The following TSC2 variants were observed in gnomAD, a reference collection of about 807,000 sequenced individuals.
TSC2 encodes the protein tuberin.
In TSC2, 29 loss-of-function variants were observed where a neutral mutation model predicts 202.2. The ratio of observed to expected loss-of-function variants is 0.14; its 90% CI spans 0.11 to 0.20. The LOEUF is 0.20. Ranked by LOEUF, TSC2 falls within the 10% of genes least tolerant of loss-of-function variation. TSC2 has a pLI of 1.00. For missense variants in TSC2, 2,429 were observed against 2,420.0 expected (o/e 1.00, Z -0.08); for synonymous variants, 1,349 against 1,044.0 (o/e 1.29, Z -5.63).
In TSC2 at chr16:2,062,968, G is replaced by A. The variant is rs397515145; in HGVS notation, c.1362-4G>A. On this transcript the variant is annotated splice_region_variant and splice_polypyrimidine_tract_variant and intron_variant, in intron 13 of 41. Transcript: ENST00000219476. Reference sequence around the variant, plus strand: ...ACCCGCCCCAGCAGGCTGCCGTCCCGCAGGAGCGAGTCCCGAGGCGCCGTG... The same window carrying A: ...ACCCGCCCCAGCAGGCTGCCGTCCCACAGGAGCGAGTCCCGAGGCGCCGTG... 3.0e-5 allele frequency: 46 copies of A among 1,549,886 alleles called. No individual in the cohort carries two copies. The highest frequency in any genetic ancestry group is 1.8e-4 in the South Asian group (15 of 84,036).
At position 2,087,978 on chromosome 16, in the gene TSC2, A is replaced by G. The variant is rs775925922; in HGVS notation, c.5068+37A>G. 7 of 1,612,610 alleles carry G rather than the reference A, an allele frequency of 4.3e-6. No individual in the cohort carries two copies. The Admixed American group carries it at 1.2e-4, about 27-fold the overall frequency. ...TGGGGCCCTGCAGTGCAGGAAAGGTAGGGCCGGGTGGGGCCCTGCAGTGTG... is the reference window on the plus strand; with the variant it reads ...TGGGGCCCTGCAGTGCAGGAAAGGTGGGGCCGGGTGGGGCCCTGCAGTGTG... On this transcript the variant is annotated intron_variant, in intron 39 of 41. Transcript: ENST00000219476.
At chr16:2,058,248 C>A (rs1208974128) in intron 9 of TSC2, among the ~76,000 whole-genome samples, 1 of 152,128 alleles carries the variant, frequency 6.6e-6, no homozygotes, top group African/African-American at 2.4e-5. Flanking sequence ...ATCTTGCCTT[C>A]TCCCCTCCAC....
chr16:2,064,510 T>C (rs2087050338), intron 15 of TSC2, 83 bp downstream of exon 15: 3 of 1,598,470 alleles, frequency 1.9e-6, no homozygotes, highest in Non-Finnish European at 2.6e-6. Flanking sequence ...TCTGTCCTCC[T>C]CTTCGAGTGA....
chr16:2,058,630 C>A (rs556894195), intron 9 of TSC2, 117 bp from the exon 10 acceptor site: 13 of 1,470,290 alleles, frequency 8.8e-6, no homozygotes, highest in Middle Eastern at 2.3e-4. Flanking sequence ...GCTCCTGCCC[C>A]CCCCAAGCAC....
intron 3 of TSC2, among the ~76,000 whole-genome samples, chr16:2,051,903 A>G (rs941497969): frequency 3.3e-5 from 5 of 152,164 alleles, no homozygotes; most frequent in African/African-American, 1.2e-4. Context: ...TGTTTCTACT[A>G]AAGATACAAA....
In TSC2 at chr16:2,048,047, C is replaced by T. The variant is rs1022290518; in HGVS notation, c.-48C>T. On this transcript the variant is annotated 5_prime_UTR_variant, in exon 1 of 42. Coordinates refer to ENST00000219476, the MANE Select transcript of TSC2 (RefSeq NM_000548.5). ...TTCTCCGCGTCGGGGCGGCCCGGAG[C>T]GCGGTGGCGCGGCGCGGGGTAAGTG... The T allele has an allele frequency of 6.3e-6, 9 of 1,423,978 alleles. No individual in the cohort carries two copies. The highest frequency in any genetic ancestry group is 8.2e-6 in the Non-Finnish European group (9 of 1,096,536). The allele number at this position is 1,423,978 out of a possible 1,614,324, so 88.2% of individuals were successfully genotyped here.
chr16:2,049,413 T>C (rs2084806248), intron 2 of TSC2, among the ~76,000 whole-genome samples: 1 of 152,170 alleles, frequency 6.6e-6, no homozygotes, highest in African/African-American at 2.4e-5. Context: ...TGTGTGTTTG[T>C]GTCTTTGTCA....
At position 2,088,656 on chromosome 16, in the gene TSC2, T is replaced by C. The variant is rs559817267; in HGVS notation, c.*46T>C. The C allele has an allele frequency of 8.3e-6, 13 of 1,569,856 alleles. No individual in the cohort carries two copies. The African/African-American group carries it at 1.6e-4, about 20-fold the overall frequency. ...CACTGGCCTTGGACGGTATTGCCTGTCAGTGAAATAAATAAAGTCCTGACC... is the reference window on the plus strand; with the variant it reads ...CACTGGCCTTGGACGGTATTGCCTGCCAGTGAAATAAATAAAGTCCTGACC... On this transcript the variant is annotated 3_prime_UTR_variant, in exon 42 of 42. Coordinates refer to ENST00000219476, the MANE Select transcript of TSC2 (RefSeq NM_000548.5).
chr16:2,084,816 T>C, intron 34 of TSC2, 101 bp downstream of exon 34: 1 of 1,598,458 alleles, frequency 6.3e-7, no homozygotes, highest in Non-Finnish European at 8.5e-7. Flanking sequence ...GGTCCTCGCC[T>C]GTGCCCTAGG....
At position 2,084,859 on chromosome 16, in the gene TSC2, G is replaced by A. The variant is rs2090567816; in HGVS notation, c.4494-92G>A. On this transcript the variant is annotated intron_variant, in intron 34 of 41. Transcript: ENST00000219476. ...GGAACCCCTGGGAGGGCGGTGGAGT[G>A]GGAGATGGCCAGGCTCTGTGTTCCT... The A allele has an allele frequency of 2.7e-5, 43 of 1,602,442 alleles. 1 individual carries two copies. In the South Asian group the frequency reaches 4.6e-4, roughly 17 times the overall value.
intron 36 of TSC2, among the ~76,000 whole-genome samples, chr16:2,085,701 C>T (rs546440875): frequency 4.6e-5 from 7 of 152,310 alleles, no homozygotes; most frequent in African/African-American, 1.7e-4. Flanking sequence ...GCACCCTGCC[C>T]AGCTTGAGCA....
At chr16:2,054,263 A>C (rs886482889) in intron 4 of TSC2, 33 bp from the exon 5 acceptor site, 22 of 1,613,882 alleles carry the variant, frequency 1.4e-5, no homozygotes, top group Non-Finnish European at 1.9e-5. Context: ...CGACGCTGGC[A>C]GGCTCTGCTG....
At chr16:2,063,495 G>A (rs1307921095) in intron 14 of TSC2, 1 of 286,808 alleles carries the variant, frequency 3.5e-6, no homozygotes, top group Non-Finnish European at 6.8e-6. Flanking sequence ...GAGCTCTGTG[G>A]CCCCAGGCCC....
chr16:2,055,334 C>A, intron 5 of TSC2, 68 bp from the exon 6 acceptor site: 1 of 1,216,394 alleles, frequency 8.2e-7, no homozygotes, highest in Non-Finnish European at 1.2e-6. Flanking sequence ...TGTCCTGCGG[C>A]GGGAGGGGGA....
chr16:2,059,892 C>G (rs1032410393), intron 10 of TSC2, among the ~76,000 whole-genome samples: 5 of 152,174 alleles, frequency 3.3e-5, no homozygotes, highest in African/African-American at 7.2e-5. Context: ...AACTCCTGAC[C>G]TCAGGTGATC....
Position 2,086,149 on chromosome 16 carries a change from C to T in TSC2, c.4663-44C>T, listed in dbSNP as rs770494687. The T allele has an allele frequency of 4.7e-5, 75 of 1,610,026 alleles. 1 individual carries two copies. Among genetic ancestry groups the T allele is most frequent in the South Asian group, 1.4e-4 (13 of 90,948 alleles). ...CCCCCACCCTCTGCGGGGCAGGGCCCGGCCCGGGAGTGATGCCACCCTGCC... is the reference window on the plus strand; with the variant it reads ...CCCCCACCCTCTGCGGGGCAGGGCCTGGCCCGGGAGTGATGCCACCCTGCC... On this transcript the variant is annotated intron_variant, in intron 36 of 41. Transcript: ENST00000219476.
rs1016247433 is a variant in TSC2, at chr16:2,070,548, C to G, written c.1809C>G (p.Thr603=). ...HIQLHYKHSY[T]LPIASSIRLQ... ...AGCTCCACTACAAGCACAGCTACAC[C>G]CTGCCAATCGCGAGCAGCATCCGGC... Residue 603 remains threonine, a synonymous_variant, in exon 17 of 42, where the codon ACC becomes ACG. Coordinates refer to ENST00000219476, the MANE Select transcript of TSC2 (RefSeq NM_000548.5). 1.9e-6 allele frequency: 3 copies of G among 1,613,130 alleles called. No homozygotes were observed. In the African/African-American group the frequency reaches 4.0e-5, roughly 22 times the overall value.
At chr16:2,075,525 CAAA>C (rs933350142) in intron 22 of TSC2, among the ~76,000 whole-genome samples, 437 of 27,218 alleles carry the variant, frequency 0.016, no homozygotes, top group African/African-American at 0.051. Flanking sequence ...AGACTCATCT[CAAA>C]AAAAAAAAAA....
chr16:2,082,065 A>C (rs1180968246), intron 31 of TSC2: 2 of 604,114 alleles, frequency 3.3e-6, no homozygotes, highest in Admixed American at 2.9e-5. Flanking sequence ...GGAGTCCAGC[A>C]CTGCGGGCTC....
Sources: gnomAD v4.1 joint callset for allele counts (sites outside exome capture counted in the v4.1 genomes callset) on GRCh38, gnomAD v4.1.1 for gene constraint, MANE v1.5 for transcripts, NCBI Gene and HGNC (gene_info 2026-07-23, HGNC 2026-07-21) for gene names.